The following SGK3 variants were observed in gnomAD, a reference collection of about 807,000 sequenced individuals.
SGK3 encodes the protein serine/threonine-protein kinase Sgk3.
A neutral mutation model predicts 68.5 loss-of-function variants in SGK3; 47 were observed. The observed-to-expected ratio is 0.69, with a 90% CI of 0.54 to 0.87. SGK3 has a LOEUF of 0.87. Among genes scored for constraint, SGK3 ranks in the 40% least tolerant of loss-of-function variants. The pLI, the probability that SGK3 is intolerant of heterozygous loss-of-function variation, is 0.00. For missense variants in SGK3, 479 were observed against 575.5 expected (o/e 0.83, Z 1.72); for synonymous variants, 181 against 189.1 (o/e 0.96, Z 0.35).
chr8:66,802,957 T>C (rs535054406), intron 3 of SGK3, among the ~76,000 whole-genome samples: 75 of 152,336 alleles, frequency 4.9e-4, no homozygotes, highest in African/African-American at 1.7e-3. Flanking sequence ...TCGTTTCATC[T>C]GTAAATATTT....
At chr8:66,802,637 C>T (rs531591493) in intron 3 of SGK3, among the ~76,000 whole-genome samples, 15 of 146,410 alleles carry the variant, frequency 1.0e-4, no homozygotes, top group Non-Finnish European at 2.2e-4. Context: ...GCATTCCAGC[C>T]TGGGTGATAG....
intron 1 of SGK3, among the ~76,000 whole-genome samples, chr8:66,743,320 A>C (rs1805535667): frequency 6.6e-6 from 1 of 152,218 alleles, no homozygotes; most frequent in African/African-American, 2.4e-5. Flanking sequence ...CTGGCTTATA[A>C]TGTAAAATGT....
chr8:66,768,830 C>T (rs1806410269), intron 1 of SGK3, among the ~76,000 whole-genome samples: 2 of 152,154 alleles, frequency 1.3e-5, no homozygotes, highest in Admixed American at 1.3e-4. Context: ...CCTCAGCCTC[C>T]TACAAGTGTT....
chr8:66,853,465 A>G (rs1407306025), intron 16 of SGK3, among the ~76,000 whole-genome samples: 1 of 152,162 alleles, frequency 6.6e-6, no homozygotes, highest in Non-Finnish European at 1.5e-5. Context: ...CCAATCGGTT[A>G]GTGTTTTATA....
At chr8:66,855,006 A>G (rs1269020578) in intron 16 of SGK3, among the ~76,000 whole-genome samples, 1 of 152,132 alleles carries the variant, frequency 6.6e-6, no homozygotes, top group East Asian at 1.9e-4. Flanking sequence ...AACAACAAAA[A>G]GTGAAAATTA....
At chr8:66,785,882 A>G (rs996684740) in intron 1 of SGK3, among the ~76,000 whole-genome samples, 2 of 152,234 alleles carry the variant, frequency 1.3e-5, no homozygotes, top group Non-Finnish European at 2.9e-5. Context: ...GCCCCTGAGC[A>G]CCAGACTACA....
intron 8 of SGK3, among the ~76,000 whole-genome samples, chr8:66,833,054 A>G (rs899013178): frequency 5.3e-5 from 8 of 151,278 alleles, no homozygotes; most frequent in Admixed American, 1.3e-4. Flanking sequence ...CCTGGAGTGC[A>G]GAGTGCAATG....
chr8:66,742,685 T>C (rs1172229427), intron 1 of SGK3, among the ~76,000 whole-genome samples: 1 of 152,218 alleles, frequency 6.6e-6, no homozygotes, highest in Non-Finnish European at 1.5e-5. Flanking sequence ...TTAATTTATG[T>C]AATTTTTATG....
chr8:66,723,127 ATATATTT>A (rs1182605899), intron 1 of SGK3, among the ~76,000 whole-genome samples: 17 of 49,392 alleles, frequency 3.4e-4, no homozygotes, highest in African/African-American at 6.8e-4. Flanking sequence ...ATATATATAT[ATATATTT>A]TTTTTTTTTT....
Position 66,780,965 on chromosome 8 carries a change from GGTTTTGTTTT to G in SGK3, c.-121-12637_-121-12628del, listed in dbSNP as rs748897085. Among the ~76,000 whole-genome samples the G allele has an allele frequency of 3.9e-5, 6 of 152,190 alleles. No homozygotes were observed. In the South Asian group the frequency reaches 6.2e-4, roughly 16 times the overall value. The stretch of plus-strand genomic sequence containing the variant: ...CATGATGGTGATTTTTGTCTTTGTG[GGTTTTGTTTT>G]GTTTTGTTTTGTTGGGCCTGGACAA... On this transcript the variant is annotated intron_variant, in intron 1 of 16. Coordinates refer to ENST00000521198, the MANE Select transcript of SGK3 (RefSeq NM_001033578.3).
chr8:66,772,603 C>G (rs970652154), intron 1 of SGK3, among the ~76,000 whole-genome samples: 28 of 149,902 alleles, frequency 1.9e-4, no homozygotes, highest in African/African-American at 6.7e-4. Context: ...CTCTGTCGCC[C>G]AGGTTGGAGT....
At chr8:66,840,730 G>A (rs1242997686) in intron 12 of SGK3, 1 of 223,682 alleles carries the variant, frequency 4.5e-6, no homozygotes, top group African/African-American at 2.3e-5. Flanking sequence ...GGCCAAGATG[G>A]GTGGATCACT....
chr8:66,855,602 T>A (rs1042313634), intron 16 of SGK3, among the ~76,000 whole-genome samples: 4 of 152,148 alleles, frequency 2.6e-5, no homozygotes, highest in African/African-American at 7.2e-5. Flanking sequence ...AATAACAAAC[T>A]GGGAAAATTT....
intron 6 of SGK3, among the ~76,000 whole-genome samples, chr8:66,827,508 A>C (rs992773685): frequency 1.3e-5 from 2 of 151,928 alleles, no homozygotes; most frequent in Non-Finnish European, 2.9e-5. Context: ...AAAAGTATAC[A>C]TATTTGAAAC....
chr8:66,757,684 G>C (rs1806022001), intron 1 of SGK3, among the ~76,000 whole-genome samples: 1 of 151,686 alleles, frequency 6.6e-6, no homozygotes, highest in African/African-American at 2.4e-5. Flanking sequence ...GGGGGCTGAG[G>C]TGGAGAGATC....
intron 1 of SGK3, among the ~76,000 whole-genome samples, chr8:66,774,134 A>T (rs1457980914): frequency 1.3e-5 from 2 of 152,196 alleles, no homozygotes; most frequent in African/African-American, 4.8e-5. Flanking sequence ...AGAGCCCATG[A>T]GGTCACCAGG....
chr8:66,775,837 C>A (rs1806686802), intron 1 of SGK3, among the ~76,000 whole-genome samples: 1 of 151,372 alleles, frequency 6.6e-6, no homozygotes, highest in African/African-American at 2.5e-5. Flanking sequence ...ATGAAGCACG[C>A]AGACTTCGGA....
intron 2 of SGK3, among the ~76,000 whole-genome samples, chr8:66,796,825 AT>A (rs1563632478): frequency 6.6e-6 from 1 of 152,148 alleles, no homozygotes; most frequent in East Asian, 1.9e-4. Flanking sequence ...AGGAACTTTC[AT>A]TATACAGGGA....
intron 1 of SGK3, among the ~76,000 whole-genome samples, chr8:66,734,863 C>T (rs1433770290): frequency 6.6e-6 from 1 of 150,942 alleles, no homozygotes; most frequent in Non-Finnish European, 1.5e-5. Flanking sequence ...AGGAGAATCG[C>T]TTGAACCCAG....
Sources: gnomAD v4.1 joint callset for allele counts (sites outside exome capture counted in the v4.1 genomes callset) on GRCh38, gnomAD v4.1.1 for gene constraint, MANE v1.5 for transcripts, NCBI Gene and HGNC (gene_info 2026-07-23, HGNC 2026-07-21) for gene names.